The following DGKB variants were observed in gnomAD, a reference collection of about 807,000 sequenced individuals.
The protein encoded by DGKB is diacylglycerol kinase beta, also known as 90 kDa diacylglycerol kinase.
DGKB carries 67 observed loss-of-function variants against 114.3 expected under a neutral mutation model. The observed-to-expected ratio is 0.59, with a 90% CI of 0.48 to 0.72. The LOEUF (loss-of-function observed/expected upper bound fraction) is 0.72. Ranked by LOEUF, DGKB falls within the 30% of genes least tolerant of loss-of-function variation. The probability of loss-of-function intolerance (pLI) is 0.00; values close to 1 mark genes in which losing one functional copy is unlikely to be tolerated. For missense variants in DGKB, 907 were observed against 975.2 expected (o/e 0.93, Z 0.93); for synonymous variants, 398 against 323.1 (o/e 1.23, Z -2.49).
At chr7:14,282,959 G>A (rs1235772029) in intron 23 of DGKB, among the ~76,000 whole-genome samples, 4 of 151,918 alleles carry the variant, frequency 2.6e-5, no homozygotes, top group African/African-American at 9.7e-5. Flanking sequence ...GCACAAGACA[G>A]GGATGCCCTC....
chr7:14,291,971 T>C (rs1426381124), intron 23 of DGKB, among the ~76,000 whole-genome samples: 1 of 152,118 alleles, frequency 6.6e-6, no homozygotes, highest in Non-Finnish European at 1.5e-5. Context: ...CTTCTACTGT[T>C]TACCTCCTTT....
intron 6 of DGKB, among the ~76,000 whole-genome samples, chr7:14,702,604 G>A (rs1018641757): frequency 6.6e-6 from 1 of 152,138 alleles, no homozygotes; most frequent in African/African-American, 2.4e-5. Flanking sequence ...GTGCCATTTT[G>A]AGATAAATAG....
chr7:14,290,771 A>G (rs1024787987), intron 23 of DGKB, among the ~76,000 whole-genome samples: 1 of 152,212 alleles, frequency 6.6e-6, no homozygotes, highest in Non-Finnish European at 1.5e-5. Context: ...GGACAATAAT[A>G]TAGTTTACCA....
intron 17 of DGKB, among the ~76,000 whole-genome samples, chr7:14,593,443 A>C (rs1802017603): frequency 1.3e-5 from 2 of 152,032 alleles, no homozygotes; most frequent in Non-Finnish European, 2.9e-5. Context: ...TTTCTTTAAA[A>C]ATTAATATTG....
chr7:14,685,441 C>T, intron 9 of DGKB, 79 bp from the exon 10 acceptor site: 1 of 1,039,052 alleles, frequency 9.6e-7, no homozygotes, highest in Non-Finnish European at 1.5e-6. Flanking sequence ...AAATTCAGAG[C>T]TGGACTGAAG....
chr7:14,178,410 CAAAA>C (rs56812836), intron 23 of DGKB, among the ~76,000 whole-genome samples: 13,497 of 121,786 alleles, frequency 0.11, 1,005 homozygotes, highest in East Asian at 0.33. Flanking sequence ...CAAATAATAC[CAAAA>C]AAAAAAAAAA....
intron 20 of DGKB, among the ~76,000 whole-genome samples, chr7:14,504,826 C>A (rs1317744620): frequency 6.6e-6 from 1 of 152,084 alleles, no homozygotes; most frequent in East Asian, 1.9e-4. Flanking sequence ...TTGACTGCAT[C>A]TACACTAGTC....
intron 2 of DGKB, among the ~76,000 whole-genome samples, chr7:14,761,087 C>T (rs1396133212): frequency 6.6e-6 from 1 of 152,098 alleles, no homozygotes; most frequent in African/African-American, 2.4e-5. Context: ...TCTCAAGTTC[C>T]AGTTCTAATA....
At chr7:14,800,240 T>C (rs111564887) in intron 2 of DGKB, among the ~76,000 whole-genome samples, 7,674 of 152,276 alleles carry the variant, frequency 0.05, 623 homozygotes, top group African/African-American at 0.17. Context: ...AAAACAGCTA[T>C]GGTCCTGCTA....
intron 21 of DGKB, among the ~76,000 whole-genome samples, chr7:14,372,202 C>G (rs34543196): frequency 0.028 from 4,254 of 152,240 alleles, 87 homozygotes; most frequent in Non-Finnish European, 0.048. Flanking sequence ...CTCACCTACC[C>G]GGGCTTCAAT....
At chr7:14,693,757 A>T (rs1823320927) in intron 9 of DGKB, among the ~76,000 whole-genome samples, 1 of 152,062 alleles carries the variant, frequency 6.6e-6, no homozygotes, top group African/African-American at 2.4e-5. Flanking sequence ...ATAATACTGG[A>T]GAGCCTCTTG....
At chr7:14,340,159 C>CTTT (rs35208788) in intron 22 of DGKB, among the ~76,000 whole-genome samples, 86 of 89,130 alleles carry the variant, frequency 9.6e-4, no homozygotes, top group Middle Eastern at 6.6e-3. Flanking sequence ...CTGGATGATG[C>CTTT]TTTTTTTTTT....
chr7:14,544,675 C>T (rs1258394346), intron 20 of DGKB, among the ~76,000 whole-genome samples: 2 of 152,234 alleles, frequency 1.3e-5, no homozygotes, highest in Admixed American at 6.5e-5. Flanking sequence ...ATATTAGTCA[C>T]ATTTATAATT....
intron 2 of DGKB, among the ~76,000 whole-genome samples, chr7:14,794,643 C>G (rs1283022889): frequency 2.0e-5 from 3 of 152,110 alleles, no homozygotes; most frequent in African/African-American, 7.2e-5. Context: ...AAATCCAAAG[C>G]AGAGCATTAT....
intron 20 of DGKB, among the ~76,000 whole-genome samples, chr7:14,519,992 G>C (rs1584532424): frequency 1.3e-5 from 2 of 151,498 alleles, no homozygotes; most frequent in Middle Eastern, 6.8e-3. Context: ...TTTCCACTCT[G>C]GCTTATCTTT....
chr7:14,804,374 T>C (rs1488409057), intron 2 of DGKB, among the ~76,000 whole-genome samples: 1 of 152,072 alleles, frequency 6.6e-6, no homozygotes, highest in African/African-American at 2.4e-5. Flanking sequence ...TTCAGCATGA[T>C]AGTCTAAGTA....
In DGKB at chr7:14,478,236, A is replaced by C. The variant is rs750009795; in HGVS notation, c.1771-11T>G. On this transcript the variant is annotated splice_polypyrimidine_tract_variant and intron_variant, in intron 20 of 25. Transcript: ENST00000402815. ...TGCAATGGAGGCATCCTAAGGGGAG[A>C]AAATAGAAAACAAAAACAGGATGGT... is the stretch of plus-strand genomic sequence containing the variant. 2 of 1,549,884 alleles carry C rather than the reference A, an allele frequency of 1.3e-6. No individual in the cohort carries two copies. The highest frequency in any genetic ancestry group is 1.8e-6 in the Non-Finnish European group (2 of 1,139,554).
chr7:14,369,951 T>C (rs1347706918), intron 21 of DGKB, among the ~76,000 whole-genome samples: 1 of 152,256 alleles, frequency 6.6e-6, no homozygotes, highest in Non-Finnish European at 1.5e-5. Context: ...TTTCATTTCA[T>C]TAGATCCCAT....
intron 2 of DGKB, among the ~76,000 whole-genome samples, chr7:14,770,093 C>T (rs1234369888): frequency 1.3e-5 from 2 of 152,050 alleles, no homozygotes; most frequent in African/African-American, 4.8e-5. Context: ...AACAAACCTT[C>T]TCTGATGCAT....
Sources: allele counts gnomAD v4.1 joint callset (sites outside exome capture counted in the v4.1 genomes callset), GRCh38; gene constraint gnomAD v4.1.1; transcripts MANE v1.5; gene names NCBI Gene and HGNC (gene_info 2026-07-23, HGNC 2026-07-21).